Variants in BTD observed in about 807,000 individuals in gnomAD.
BTD encodes biocytinase.
BTD carries 13 observed loss-of-function variants against 17.7 expected under a neutral mutation model. The observed-to-expected ratio is 0.74, with a 90% confidence interval of 0.48 to 1.17. The LOEUF (loss-of-function observed/expected upper bound fraction) is 1.17. Ranked by LOEUF, BTD falls within the 50% of genes most tolerant of loss-of-function variation. The probability of loss-of-function intolerance (pLI) is 0.00; values close to 1 mark genes in which losing one functional copy is unlikely to be tolerated. For missense variants in BTD, 674 were observed against 650.4 expected, an observed-to-expected ratio of 1.04 and a Z score of -0.39; for synonymous variants, 240 against 245.2, an observed-to-expected ratio of 0.98 and a Z score of 0.20.
intron 1 of BTD, among the ~76,000 whole-genome samples, chr3:15,609,401 T>C (rs1351082437): frequency 2.0e-5 from 3 of 152,190 alleles, no homozygotes; most frequent in Non-Finnish European, 2.9e-5. Context: ...CGATATTTGG[T>C]CATTTTTAGT....
chr3:15,635,337 T>C lies in BTD; in HGVS notation c.-16-87T>C. On this transcript the variant is annotated intron_variant, in intron 1 of 3. Coordinates refer to ENST00000643237, the MANE Select transcript of BTD (RefSeq NM_001370658.1). This position sits in a 1 kb window ranked among gnomAD's most constrained non-coding sequence, Gnocchi z 4.1. The stretch of plus-strand genomic sequence containing the variant: ...TATCACTGCGAGTGAGTTTAATTGC[T>C]GGGATTAATAAATCACAGCTGCAAA... 6.3e-7 allele frequency: 1 copy of C among 1,592,030 alleles called. No individual in the cohort carries two copies. Among genetic ancestry groups the C allele is most frequent in the Non-Finnish European group, 8.6e-7 (1 of 1,163,708 alleles).
intron 1 of BTD, among the ~76,000 whole-genome samples, chr3:15,610,937 G>GT (rs1175596051): frequency 6.8e-6 from 1 of 146,926 alleles, no homozygotes; most frequent in African/African-American, 2.5e-5. Context: ...TCCCTCATGG[G>GT]TAATGTTGTC....
At chr3:15,610,700 G>A (rs1271189650) in intron 1 of BTD, among the ~76,000 whole-genome samples, 2 of 152,188 alleles carry the variant, frequency 1.3e-5, no homozygotes, top group Admixed American at 1.3e-4. Context: ...GGTAGGACAA[G>A]TAGTCCCTGG....
downstream of BTD, among the ~76,000 whole-genome samples, chr3:15,656,016 T>C (rs1314518138): frequency 6.6e-6 from 1 of 152,174 alleles, no homozygotes; most frequent in Non-Finnish European, 1.5e-5. Flanking sequence ...TTGGCCAGGC[T>C]GGTCTCAAAC....
rs1319796151 is a variant in BTD, at chr3:15,648,320, A to C, written c.*2832A>C. On this transcript the variant is annotated 3_prime_UTR_variant, in exon 4 of 4. Coordinates refer to ENST00000643237, the MANE Select transcript of BTD (RefSeq NM_001370658.1). ...TTTTGTGCACAAAGGCCTAGATTTG[A>C]GACAAGAGCTGATGTGGCCTGAAGA... Among the ~76,000 whole-genome samples, 2 of 152,230 alleles carry C rather than the reference A, an allele frequency of 1.3e-5. No homozygotes were observed. The highest frequency in any genetic ancestry group is 1.9e-4 in the East Asian group (1 of 5,204).
intron 3 of BTD, chr3:15,677,726 T>A: frequency 2.1e-6 from 1 of 472,564 alleles, no homozygotes; most frequent in African/African-American, 1.9e-5. Context: ...CTTCATATAA[T>A]TGTATGAGAC....
chr3:15,713,732 T>A (rs1219302242), downstream of BTD: 1 of 717,154 alleles, frequency 1.4e-6, no homozygotes. Flanking sequence ...GCTGTTCACA[T>A]ACAAACTAAT....
intron 3 of BTD, among the ~76,000 whole-genome samples, chr3:15,691,726 G>A (rs1278717645): frequency 6.6e-6 from 1 of 152,168 alleles, no homozygotes; most frequent in African/African-American, 2.4e-5. Flanking sequence ...GAATTCTACT[G>A]TTTTAGGATT....
chr3:15,684,872 C>A, intron 3 of BTD: 1 of 214,758 alleles, frequency 4.7e-6, no homozygotes. Context: ...GCCTGTAATC[C>A]CAACACTTTG....
At chr3:15,675,219 C>T (rs1239033193) in intron 3 of BTD, among the ~76,000 whole-genome samples, 2 of 152,000 alleles carry the variant, frequency 1.3e-5, no homozygotes, top group Non-Finnish European at 2.9e-5. Context: ...TGCAGTAAGC[C>T]GAGATCATGG....
exon 4 of BTD, among the ~76,000 whole-genome samples, chr3:15,710,677 G>A (rs2126055514): frequency 6.6e-6 from 1 of 152,244 alleles, no homozygotes; most frequent in Middle Eastern, 3.4e-3. Flanking sequence ...TGTTCCAGAG[G>A]CCATGAGTTT....
intron 3 of BTD, among the ~76,000 whole-genome samples, chr3:15,704,364 G>A (rs939194446): frequency 1.3e-5 from 2 of 152,044 alleles, no homozygotes; most frequent in African/African-American, 4.8e-5. Context: ...ATAAAAGGCA[G>A]AGCAGAATTA....
At chr3:15,690,437 T>C (rs1396228843) in intron 3 of BTD, among the ~76,000 whole-genome samples, 3 of 152,214 alleles carry the variant, frequency 2.0e-5, no homozygotes, top group Non-Finnish European at 4.4e-5. Context: ...CTAAAAATAA[T>C]ACAAGTTCAA....
chr3:15,684,049 T>C (rs137946052), intron 3 of BTD: 20 of 152,140 alleles, frequency 1.3e-4, no homozygotes, highest in African/African-American at 4.8e-4. Context: ...TTAACATTAA[T>C]CTTGAAGCTA....
rs901644685 is a variant in BTD at position 15,652,935 on chromosome 3, C to A, written c.*7447C>A. Among the ~76,000 whole-genome samples the A allele has an allele frequency of 6.6e-6, 1 of 152,010 alleles. No homozygotes were observed. The highest frequency in any genetic ancestry group is 2.4e-5 in the African/African-American group (1 of 41,310). On this transcript the variant is annotated 3_prime_UTR_variant, in exon 4 of 4. Transcript: ENST00000643237. ...GAGATGTTCTCAGATAGAGGGAGAACAACAAAAAGAAGGGTCCATGCTGAA... is the reference window on the plus strand; with the variant it reads ...GAGATGTTCTCAGATAGAGGGAGAAAAACAAAAAGAAGGGTCCATGCTGAA...
chr3:15,704,141 A>G (rs1238234455), intron 3 of BTD, among the ~76,000 whole-genome samples: 6 of 152,142 alleles, frequency 3.9e-5, no homozygotes, highest in Admixed American at 3.9e-4. Context: ...AATATTTCAC[A>G]TATTTAATAT....
intron 3 of BTD, among the ~76,000 whole-genome samples, chr3:15,699,749 G>A (rs2070272160): frequency 1.3e-5 from 2 of 152,206 alleles, no homozygotes; most frequent in Non-Finnish European, 2.9e-5. Flanking sequence ...ATGCTGGAGA[G>A]GATGTGGAGA....
At chr3:15,604,466 G>A (rs1240124892) in intron 1 of BTD, among the ~76,000 whole-genome samples, 3 of 152,202 alleles carry the variant, frequency 2.0e-5, no homozygotes, top group African/African-American at 7.2e-5. Flanking sequence ...TTTCCTCCTA[G>A]GTTTCTGGGC....
chr3:15,604,635 C>T (rs904940298), intron 1 of BTD, among the ~76,000 whole-genome samples: 1 of 152,182 alleles, frequency 6.6e-6, no homozygotes, highest in Non-Finnish European at 1.5e-5. Flanking sequence ...TCTACTGCAT[C>T]GTCAGTCTGC....
Sources: allele counts gnomAD v4.1 joint callset (sites outside exome capture counted in the v4.1 genomes callset), GRCh38; gene constraint gnomAD v4.1.1; non-coding constraint Gnocchi (gnomAD v3.1); transcripts MANE v1.5; gene names NCBI Gene and HGNC (gene_info 2026-07-23, HGNC 2026-07-21).